CCDC60: variants seen among roughly 807,000 people sequenced by gnomAD.
The protein encoded by CCDC60 is coiled-coil domain-containing protein 60.
A neutral mutation model predicts 63.5 loss-of-function variants in CCDC60; 54 were observed. The observed-to-expected ratio is 0.85, with a 90% CI of 0.68 to 1.07. The LOEUF is 1.07. Ranked by LOEUF, CCDC60 falls within the 50% of genes least tolerant of loss-of-function variation. The pLI is 0.00. For synonymous variants in CCDC60, 206 were observed against 238.8 expected (o/e 0.86, Z 1.27); for missense variants, 651 against 684.3 (o/e 0.95, Z 0.54).
rs571382087 is a variant in CCDC60 at position 119,441,102 on chromosome 12, G to A, written c.170+12340G>A. Among the ~76,000 whole-genome samples, 270 of 152,294 alleles carry A rather than the reference G, an allele frequency of 1.8e-3. 1 individual carries two copies. The highest frequency in any genetic ancestry group is 6.2e-3 in the African/African-American group (258 of 41,552). Reference sequence around the variant, plus strand: ...GGCAGAGCTCAGCACCAGGTCCAGTGTATTCACCAGATACCCCATATTCTG... The same window carrying A: ...GGCAGAGCTCAGCACCAGGTCCAGTATATTCACCAGATACCCCATATTCTG... On this transcript the variant is annotated intron_variant, in intron 2 of 13. Coordinates refer to ENST00000327554, the MANE Select transcript of CCDC60 (RefSeq NM_178499.5).
At chr12:119,348,997 T>C (rs1294021974) in intron 1 of CCDC60, among the ~76,000 whole-genome samples, 1 of 152,228 alleles carries the variant, frequency 6.6e-6, no homozygotes, top group East Asian at 1.9e-4. Flanking sequence ...TTATGTGAGT[T>C]ATGCAATTCC....
intron 10 of CCDC60, 35 bp from the exon 11 acceptor site, chr12:119,523,658 T>G (rs1489222166): frequency 1.2e-6 from 2 of 1,611,670 alleles, no homozygotes; most frequent in Non-Finnish European, 1.7e-6. Context: ...ATCCCTGGGC[T>G]CCATTCCCCA....
Position 119,507,614 on chromosome 12 carries a change from AT to A in CCDC60, c.883+2327del, listed in dbSNP as rs1184630442. ...TACATATATATATATATATATATAT[AT>A]TTTTTTTTTTTTTTTCTAGAAACAG... On this transcript the variant is annotated intron_variant, in intron 7 of 13. Coordinates refer to ENST00000327554, the MANE Select transcript of CCDC60 (RefSeq NM_178499.5). Among the ~76,000 whole-genome samples the A allele has an allele frequency of 4.2e-4, 21 of 50,490 alleles. 1 individual carries two copies. Among genetic ancestry groups the A allele is most frequent in the South Asian group, 1.2e-3 (1 of 834 alleles). The allele number at this position is 50,490 out of a possible 152,430, so 33.1% of individuals were successfully genotyped here. A position where few individuals can be genotyped will look rare whatever the true frequency, so the allele number is the denominator to read the frequency against.
intron 1 of CCDC60, among the ~76,000 whole-genome samples, chr12:119,346,559 T>C (rs1486108295): frequency 6.6e-6 from 1 of 152,190 alleles, no homozygotes; most frequent in Non-Finnish European, 1.5e-5. Context: ...TTAAAGAATA[T>C]GTTTAAAAAG....
At chr12:119,354,070 C>CTT (rs1202095930) in intron 1 of CCDC60, among the ~76,000 whole-genome samples, 1 of 86,256 alleles carries the variant, frequency 1.2e-5, no homozygotes, top group African/African-American at 3.8e-5. Context: ...CTCTTTCTCT[C>CTT]TCTCTCTCGT....
At chr12:119,375,108 G>C (rs1955938054) in intron 1 of CCDC60, among the ~76,000 whole-genome samples, 1 of 152,130 alleles carries the variant, frequency 6.6e-6, no homozygotes, top group Non-Finnish European at 1.5e-5. Flanking sequence ...GTTGGTCTCA[G>C]CCTCATTTTA....
At chr12:119,394,556 A>C (rs1182531710) in intron 1 of CCDC60, among the ~76,000 whole-genome samples, 1 of 152,216 alleles carries the variant, frequency 6.6e-6, no homozygotes, top group East Asian at 1.9e-4. Context: ...TACTCCCAGA[A>C]TGAATACCCC....
chr12:119,337,083 G>A (rs1955479479), intron 1 of CCDC60, among the ~76,000 whole-genome samples: 1 of 152,128 alleles, frequency 6.6e-6, no homozygotes. Flanking sequence ...CTCTCCATGT[G>A]GTCCAAAATG....
intron 1 of CCDC60, among the ~76,000 whole-genome samples, chr12:119,344,266 A>G (rs1955564144): frequency 6.6e-6 from 1 of 152,164 alleles, no homozygotes; most frequent in African/African-American, 2.4e-5. Context: ...GGGCAAGACC[A>G]TCCACAGTTG....
intron 1 of CCDC60, among the ~76,000 whole-genome samples, chr12:119,395,472 C>A (rs1422945549): frequency 6.6e-6 from 1 of 152,064 alleles, no homozygotes; most frequent in East Asian, 1.9e-4. Context: ...AGTGGAAGTG[C>A]CACACACTTT....
intron 1 of CCDC60, among the ~76,000 whole-genome samples, chr12:119,427,404 A>G (rs1292068057): frequency 6.6e-6 from 1 of 152,248 alleles, no homozygotes; most frequent in Non-Finnish European, 1.5e-5. Flanking sequence ...TGTTGCCGTT[A>G]TACTTAATTG....
At chr12:119,357,705 C>G (rs909997653) in intron 1 of CCDC60, among the ~76,000 whole-genome samples, 6 of 152,180 alleles carry the variant, frequency 3.9e-5, no homozygotes, top group Non-Finnish European at 8.8e-5. Flanking sequence ...CCACCCACTT[C>G]GGCCTCCCAA....
At chr12:119,471,947 C>T in intron 2 of CCDC60, 47 bp from the exon 3 acceptor site, 1 of 1,536,710 alleles carries the variant, frequency 6.5e-7, no homozygotes, top group Non-Finnish European at 8.9e-7. Context: ...TCTCTCCACC[C>T]TCCCACCTTC....
intron 1 of CCDC60, among the ~76,000 whole-genome samples, chr12:119,377,795 C>T (rs774767601): frequency 6.6e-5 from 10 of 152,098 alleles, no homozygotes; most frequent in Non-Finnish European, 1.2e-4. Context: ...GCTCTTAAAC[C>T]CTTTGCCAAG....
chr12:119,530,110 A>G (rs951142001), intron 12 of CCDC60, among the ~76,000 whole-genome samples: 6 of 152,150 alleles, frequency 3.9e-5, no homozygotes, highest in African/African-American at 1.2e-4. Context: ...TCTTCTCCTC[A>G]ACGGGACTTT....
chr12:119,507,495 C>CAT (rs1226419740), intron 7 of CCDC60, among the ~76,000 whole-genome samples: 2 of 133,222 alleles, frequency 1.5e-5, no homozygotes, highest in Admixed American at 8.0e-5. Context: ...CACATATATA[C>CAT]ATATATACAC....
chr12:119,493,591 T>C (rs1951644916), intron 5 of CCDC60, among the ~76,000 whole-genome samples: 1 of 152,182 alleles, frequency 6.6e-6, no homozygotes. Flanking sequence ...AAACACATTA[T>C]CACTATCATT....
At chr12:119,482,177 C>CACACAT (rs1016167575) in intron 4 of CCDC60, among the ~76,000 whole-genome samples, 3 of 149,538 alleles carry the variant, frequency 2.0e-5, no homozygotes, top group Non-Finnish European at 4.5e-5. Context: ...CACACACACA[C>CACACAT]ATATATATAT....
chr12:119,385,581 C>G (rs1414402314), intron 1 of CCDC60, among the ~76,000 whole-genome samples: 1 of 152,252 alleles, frequency 6.6e-6, no homozygotes, highest in South Asian at 2.1e-4. Flanking sequence ...CCATGTGGAA[C>G]TATGAGTCCA....
Sources: allele counts gnomAD v4.1 joint callset (sites outside exome capture counted in the v4.1 genomes callset), GRCh38; gene constraint gnomAD v4.1.1; transcripts MANE v1.5; gene names NCBI Gene and HGNC (gene_info 2026-07-23, HGNC 2026-07-21).